The following VPS13B variants were observed in gnomAD, a reference collection of about 807,000 sequenced individuals.
VPS13B encodes the protein intermembrane lipid transfer protein VPS13B.
In VPS13B, 285 loss-of-function variants were observed where a neutral mutation model predicts 426.4. The ratio of observed to expected loss-of-function variants is 0.67; its 90% confidence interval spans 0.61 to 0.74. VPS13B has a LOEUF of 0.74. VPS13B is among the 30% of genes least tolerant of loss of function. The pLI is 0.00. For missense variants in VPS13B, 4,537 were observed against 4,782.6 expected (o/e 0.95, Z 1.51); for synonymous variants, 1,676 against 1,676.4 (o/e 1.00, Z 0.01).
At chr8:99,228,299 C>G (rs1286972419) in intron 17 of VPS13B, among the ~76,000 whole-genome samples, 1 of 151,202 alleles carries the variant, frequency 6.6e-6, no homozygotes, top group Non-Finnish European at 1.5e-5. Context: ...GGTTTTTGTC[C>G]CTGGAGAGTG....
chr8:99,297,006 TTATA>T (rs112165288), intron 19 of VPS13B, among the ~76,000 whole-genome samples: 1 of 150,500 alleles, frequency 6.6e-6, no homozygotes, highest in Non-Finnish European at 1.5e-5. Flanking sequence ...ATTTGTGTAT[TTATA>T]TATATATATA....
intron 21 of VPS13B, among the ~76,000 whole-genome samples, chr8:99,400,256 C>T (rs192127761): frequency 6.6e-6 from 1 of 152,252 alleles, no homozygotes; most frequent in East Asian, 1.9e-4. Flanking sequence ...AAACTTGGAA[C>T]AAAACAACAA....
intron 24 of VPS13B, among the ~76,000 whole-genome samples, chr8:99,469,019 G>C (rs1194628863): frequency 6.6e-6 from 1 of 151,804 alleles, no homozygotes; most frequent in Non-Finnish European, 1.5e-5. Flanking sequence ...GAAAAGATTA[G>C]ACCTAATAAT....
chr8:99,632,777 AAT>A (rs546105343), intron 33 of VPS13B, among the ~76,000 whole-genome samples: 4 of 152,012 alleles, frequency 2.6e-5, no homozygotes, highest in Non-Finnish European at 5.9e-5. Flanking sequence ...ACAGAGAGAG[AAT>A]ATATGGCTTT....
At chr8:99,800,608 C>T (rs564397813) in intron 43 of VPS13B, among the ~76,000 whole-genome samples, 37 of 152,104 alleles carry the variant, frequency 2.4e-4, no homozygotes, top group African/African-American at 8.4e-4. Context: ...ATTTAGTTCA[C>T]TTAGATTTAA....
intron 43 of VPS13B, among the ~76,000 whole-genome samples, chr8:99,794,021 G>C (rs1194713978): frequency 6.6e-6 from 1 of 152,196 alleles, no homozygotes; most frequent in African/African-American, 2.4e-5. Context: ...AACTTTGGGA[G>C]GCTAAGGTAG....
intron 17 of VPS13B, among the ~76,000 whole-genome samples, chr8:99,199,357 G>C (rs1372129916): frequency 1.3e-5 from 2 of 151,570 alleles, no homozygotes; most frequent in African/African-American, 4.9e-5. Flanking sequence ...ATTTTTAGTG[G>C]AGATGGGGTT....
At chr8:99,744,688 GA>G (rs1809974291) in intron 39 of VPS13B, among the ~76,000 whole-genome samples, 1 of 152,104 alleles carries the variant, frequency 6.6e-6, no homozygotes, top group South Asian at 2.1e-4. Context: ...GATGAAGCTG[GA>G]AACCATCATT....
chr8:99,300,333 C>G (rs1820292903), intron 19 of VPS13B, among the ~76,000 whole-genome samples: 1 of 152,174 alleles, frequency 6.6e-6, no homozygotes. Flanking sequence ...CAGCAGGTTA[C>G]TTATTCTAAA....
intron 21 of VPS13B, chr8:99,429,595 T>C (rs890798558): frequency 6.6e-6 from 1 of 152,214 alleles, no homozygotes; most frequent in Admixed American, 6.5e-5. Context: ...CTCTCAGTCC[T>C]AATACCTTGG....
intron 39 of VPS13B, among the ~76,000 whole-genome samples, chr8:99,739,460 G>T (rs957785680): frequency 6.6e-6 from 1 of 152,238 alleles, no homozygotes; most frequent in South Asian, 2.1e-4. Flanking sequence ...CTGTCTGACA[G>T]CTTTGAAGAG....
intron 34 of VPS13B, among the ~76,000 whole-genome samples, chr8:99,658,401 C>T (rs1159103212): frequency 6.6e-6 from 1 of 152,054 alleles, no homozygotes. Context: ...GTTGAGGAAT[C>T]CTGAATGGCC....
chr8:99,023,721 C>T (rs78291565), intron 2 of VPS13B, among the ~76,000 whole-genome samples: 12,633 of 152,122 alleles, frequency 0.083, 886 homozygotes, highest in African/African-American at 0.19. Flanking sequence ...CCTCGTGATC[C>T]GCCTGCCTTG....
At chr8:99,294,541 AAAAATAAAAT>A (rs200324556) in intron 19 of VPS13B, among the ~76,000 whole-genome samples, 4 of 151,844 alleles carry the variant, frequency 2.6e-5, no homozygotes, top group African/African-American at 7.3e-5. Flanking sequence ...AAAGTATAAT[AAAAATAAAAT>A]AAAATAAAAT....
chr8:99,274,387 T>G, intron 18 of VPS13B, 55 bp downstream of exon 18: 1 of 1,613,302 alleles, frequency 6.2e-7, no homozygotes, highest in Non-Finnish European at 8.5e-7. Flanking sequence ...GAATTGGCCT[T>G]GCGTTTTACA....
chr8:99,161,172 CTTTA>C lies in VPS13B; in HGVS notation c.2208+4436_2208+4439del, dbSNP rs375365318. ...TCAGATTCAATGCTTTATACTTAAG[CTTTA>C]TTTATTGTCACAATTAATACATAGA... On this transcript the variant is annotated intron_variant, in intron 15 of 61. Coordinates refer to ENST00000357162, the MANE Select transcript of VPS13B (RefSeq NM_152564.5). Among the ~76,000 whole-genome samples, 62 of 152,200 alleles carry C rather than the reference CTTTA, an allele frequency of 4.1e-4. 1 individual carries two copies. In the East Asian group the frequency reaches 0.011, roughly 26 times the overall value.
At chr8:99,705,798 A>G (rs1447787504) in intron 36 of VPS13B, among the ~76,000 whole-genome samples, 2 of 152,170 alleles carry the variant, frequency 1.3e-5, no homozygotes, top group African/African-American at 4.8e-5. Context: ...TTTAAAATAC[A>G]TAGGAGAATA....
intron 30 of VPS13B, among the ~76,000 whole-genome samples, chr8:99,541,584 C>T (rs1823624777): frequency 6.6e-6 from 1 of 152,092 alleles, no homozygotes; most frequent in Non-Finnish European, 1.5e-5. Flanking sequence ...CACTGAGTGA[C>T]AACAAGGCAT....
chr8:99,362,806 A>G (rs140126365), intron 19 of VPS13B, among the ~76,000 whole-genome samples: 1 of 152,238 alleles, frequency 6.6e-6, no homozygotes, highest in East Asian at 1.9e-4. Flanking sequence ...TGATACACTG[A>G]TTTCCTTTCC....
Sources: allele counts gnomAD v4.1 joint callset (sites outside exome capture counted in the v4.1 genomes callset), GRCh38; gene constraint gnomAD v4.1.1; transcripts MANE v1.5; gene names NCBI Gene and HGNC (gene_info 2026-07-23, HGNC 2026-07-21).